Variants in GRID2 observed in about 807,000 individuals in gnomAD.
GRID2 encodes the protein glutamate receptor ionotropic, delta-2.
In GRID2, 33 loss-of-function variants were observed where a neutral mutation model predicts 114.8. The ratio of observed to expected loss-of-function variants is 0.29; its 90% CI spans 0.22 to 0.38. The LOEUF is 0.38. Among genes scored for constraint, GRID2 ranks in the 10% least tolerant of loss-of-function variants. The probability of loss-of-function intolerance (pLI) is 1.00; values close to 1 mark genes in which losing one functional copy is unlikely to be tolerated. For missense variants in GRID2, 1,184 were observed against 1,257.7 expected (o/e 0.94, Z 0.89); for synonymous variants, 505 against 449.9 (o/e 1.12, Z -1.55).
chr4:92,409,824 G>C (rs2110297928), intron 1 of GRID2, among the ~76,000 whole-genome samples: 1 of 152,174 alleles, frequency 6.6e-6, no homozygotes, highest in Admixed American at 6.5e-5. Context: ...TGTACTTAGA[G>C]TTTGTTCAAC....
In GRID2 at chr4:93,402,056, C is replaced by A. The variant is rs369620756; in HGVS notation, c.1347+6348C>A. Among the ~76,000 whole-genome samples, 5 of 151,766 alleles carry A rather than the reference C, an allele frequency of 3.3e-5. No individual in the cohort carries two copies. In the East Asian group the frequency reaches 5.8e-4, roughly 18 times the overall value. ...CATCAGCATGAAGTAAAGCAATGTACTTAATTTCCTCTTAATATACCTTTT... is the reference window on the plus strand; with the variant it reads ...CATCAGCATGAAGTAAAGCAATGTAATTAATTTCCTCTTAATATACCTTTT... On this transcript the variant is annotated intron_variant, in intron 9 of 15. Coordinates refer to ENST00000282020, the MANE Select transcript of GRID2 (RefSeq NM_001510.4).
chr4:93,649,499 A>G lies in GRID2; in HGVS notation c.2360+23064A>G, dbSNP rs74456577. ...GGAGGGTGAAGAAGAACTTACTAAG[A>G]AAAGTTTTTTTCACTTAAAGAAGGA... On this transcript the variant is annotated intron_variant, in intron 14 of 15. Coordinates refer to ENST00000282020, the MANE Select transcript of GRID2 (RefSeq NM_001510.4). Among the ~76,000 whole-genome samples, 1,470 of 152,284 alleles carry G rather than the reference A, an allele frequency of 9.7e-3. 17 individuals carry two copies. The highest frequency in any genetic ancestry group is 0.034 in the African/African-American group (1,402 of 41,552).
chr4:93,371,130 T>C (rs1256180875), intron 8 of GRID2, among the ~76,000 whole-genome samples: 2 of 152,108 alleles, frequency 1.3e-5, no homozygotes, highest in Non-Finnish European at 2.9e-5. Flanking sequence ...CAAAATAGAA[T>C]TGTTAAAAAA....
chr4:93,528,175 TAC>T (rs905408921), intron 13 of GRID2, among the ~76,000 whole-genome samples: 2 of 151,608 alleles, frequency 1.3e-5, no homozygotes, highest in Non-Finnish European at 2.9e-5. Flanking sequence ...TATATACATA[TAC>T]ACACACACAC....
intron 1 of GRID2, among the ~76,000 whole-genome samples, chr4:93,796,679 G>T (rs141860952): frequency 0.013 from 1,911 of 152,258 alleles, 37 homozygotes; most frequent in African/African-American, 0.043. Context: ...AAGTAACTGG[G>T]ATTACGGGCA....
chr4:92,927,861 T>A (rs1041220748), intron 2 of GRID2, among the ~76,000 whole-genome samples: 1 of 151,768 alleles, frequency 6.6e-6, no homozygotes, highest in Non-Finnish European at 1.5e-5. Context: ...ATTTTTGCAT[T>A]TTTTTGGATG....
intron 2 of GRID2, among the ~76,000 whole-genome samples, chr4:92,842,078 C>T (rs1235388470): frequency 2.6e-5 from 4 of 152,024 alleles, no homozygotes; most frequent in African/African-American, 9.7e-5. Flanking sequence ...TCTCTAAATA[C>T]GATGGTTAGA....
At chr4:92,477,813 A>C (rs1315816356) in intron 1 of GRID2, among the ~76,000 whole-genome samples, 1 of 147,366 alleles carries the variant, frequency 6.8e-6, no homozygotes, top group African/African-American at 2.5e-5. Flanking sequence ...ACATTAATAT[A>C]ATTAAAATAA....
rs531956652 is a variant in GRID2 at position 93,735,427 on chromosome 4, T to C, written c.2361-33783T>C. On this transcript the variant is annotated intron_variant, in intron 14 of 15. Transcript: ENST00000282020. ...TTCCACATGTAATTTTATTTTTTTC[T>C]TTCAAAGGCCAAATCTTCCATTGGA... Among the ~76,000 whole-genome samples, 190 of 152,116 alleles carry C rather than the reference T, an allele frequency of 1.2e-3. 1 individual carries two copies. Among genetic ancestry groups the C allele is most frequent in the Non-Finnish European group, 2.3e-3 (154 of 67,874 alleles).
chr4:92,942,480 G>T (rs1202878116), intron 2 of GRID2, among the ~76,000 whole-genome samples: 1 of 152,038 alleles, frequency 6.6e-6, no homozygotes, highest in Non-Finnish European at 1.5e-5. Context: ...TGTGAGGTGG[G>T]TTTCCTGAAT....
intron 5 of GRID2, among the ~76,000 whole-genome samples, chr4:93,215,728 GTAAT>G (rs1226778807): frequency 6.6e-6 from 1 of 151,940 alleles, no homozygotes; most frequent in Admixed American, 6.6e-5. Flanking sequence ...AGAATAATAT[GTAAT>G]TAATCTGGTA....
chr4:93,114,759 A>G (rs1214537771), intron 4 of GRID2, among the ~76,000 whole-genome samples: 1 of 152,190 alleles, frequency 6.6e-6, no homozygotes, highest in Non-Finnish European at 1.5e-5. Flanking sequence ...GGAGCAGTTC[A>G]TTCAAAAGAC....
intron 1 of GRID2, among the ~76,000 whole-genome samples, chr4:92,314,898 G>T (rs1322445437): frequency 6.6e-6 from 1 of 152,106 alleles, no homozygotes. Flanking sequence ...AAATTAAATA[G>T]ATACAATAAA....
intron 2 of GRID2, among the ~76,000 whole-genome samples, chr4:93,053,051 C>T (rs1455088180): frequency 6.6e-6 from 1 of 151,862 alleles, no homozygotes; most frequent in Non-Finnish European, 1.5e-5. Flanking sequence ...AAGAAATGTA[C>T]TCCCCTACCA....
At chr4:93,662,211 C>A (rs115352856) in intron 14 of GRID2, among the ~76,000 whole-genome samples, 10 of 152,084 alleles carry the variant, frequency 6.6e-5, no homozygotes, top group South Asian at 2.1e-4. Flanking sequence ...CGTCTCACTG[C>A]GGCCGTCACT....
intron 2 of GRID2, among the ~76,000 whole-genome samples, chr4:92,607,327 G>T (rs531409788): frequency 2.0e-5 from 3 of 151,954 alleles, no homozygotes; most frequent in East Asian, 3.9e-4. Flanking sequence ...CCTCTACTTT[G>T]GTTAAGGAAG....
At chr4:93,365,184 T>C (rs761146348) in intron 8 of GRID2, among the ~76,000 whole-genome samples, 5 of 152,150 alleles carry the variant, frequency 3.3e-5, no homozygotes, top group Non-Finnish European at 7.3e-5. Flanking sequence ...CTCTGAGACT[T>C]GAGGGTGATA....
chr4:93,388,229 C>T (rs933274027), intron 8 of GRID2, among the ~76,000 whole-genome samples: 1 of 152,038 alleles, frequency 6.6e-6, no homozygotes, highest in African/African-American at 2.4e-5. Context: ...TTTACTAATT[C>T]ATTAAAGAAT....
chr4:93,302,771 T>A (rs1446678132), intron 8 of GRID2: 1 of 333,164 alleles, frequency 3.0e-6, no homozygotes, highest in African/African-American at 2.2e-5. Flanking sequence ...AACTACACAG[T>A]ATTTTAAAGA....
Sources: allele counts gnomAD v4.1 joint callset (sites outside exome capture counted in the v4.1 genomes callset), GRCh38; gene constraint gnomAD v4.1.1; transcripts MANE v1.5; gene names NCBI Gene and HGNC (gene_info 2026-07-23, HGNC 2026-07-21).